The following INTS9 variants were observed in gnomAD, a reference collection of about 807,000 sequenced individuals.
The protein encoded by INTS9 is integrator complex subunit 9, also known as protein related to CPSF subunits of 74 kDa.
INTS9 carries 55 observed loss-of-function variants against 79.7 expected under a neutral mutation model. The ratio of observed to expected loss-of-function variants is 0.69; its 90% CI spans 0.56 to 0.86. INTS9 has a LOEUF of 0.86. INTS9 is among the 40% of genes least tolerant of loss of function. The pLI is 0.00. For missense variants in INTS9, 721 were observed against 831.5 expected (o/e 0.87, Z 1.64); for synonymous variants, 319 against 325.2 (o/e 0.98, Z 0.20).
At chr8:28,841,220 T>C (rs2131209045) in intron 4 of INTS9, among the ~76,000 whole-genome samples, 1 of 152,324 alleles carries the variant, frequency 6.6e-6, no homozygotes, top group East Asian at 1.9e-4. Context: ...AGTTGTGCAC[T>C]GCCTTTGCAA....
intron 10 of INTS9, 28 bp downstream of exon 10, chr8:28,793,779 C>CAA (rs67407592): frequency 0.029 from 34,219 of 1,161,244 alleles, 16 homozygotes; most frequent in East Asian, 0.1. Context: ...ATAAAATTCA[C>CAA]AAAAAAAAAA....
chr8:28,836,049 A>G (rs1274725641), intron 5 of INTS9, among the ~76,000 whole-genome samples: 1 of 152,128 alleles, frequency 6.6e-6, no homozygotes, highest in Admixed American at 6.5e-5. Flanking sequence ...ACCTCAGGTG[A>G]TCCACCCGCC....
chr8:28,862,874 T>C (rs1240162632), intron 1 of INTS9, among the ~76,000 whole-genome samples: 1 of 152,178 alleles, frequency 6.6e-6, no homozygotes, highest in Non-Finnish European at 1.5e-5. Flanking sequence ...AGTAGGGAGT[T>C]TGAAGTTAAG....
At chr8:28,797,579 TCA>T (rs1172739163) in intron 8 of INTS9, among the ~76,000 whole-genome samples, 3 of 152,208 alleles carry the variant, frequency 2.0e-5, no homozygotes, top group Non-Finnish European at 4.4e-5. Flanking sequence ...TTATTTTTAC[TCA>T]CCACAGCTTG....
chr8:28,869,407 T>C (rs1035173091), intron 1 of INTS9, among the ~76,000 whole-genome samples: 3 of 152,102 alleles, frequency 2.0e-5, no homozygotes, highest in African/African-American at 7.2e-5. Context: ...TTTTCTCTTC[T>C]CCAACACATC....
At chr8:28,869,385 G>A (rs1023443488) in intron 1 of INTS9, among the ~76,000 whole-genome samples, 1 of 152,120 alleles carries the variant, frequency 6.6e-6, no homozygotes, top group Non-Finnish European at 1.5e-5. Context: ...TGTTCTTCCA[G>A]AGCTTGTAAA....
At chr8:28,794,339 T>C (rs1804078467) in intron 9 of INTS9, among the ~76,000 whole-genome samples, 1 of 152,226 alleles carries the variant, frequency 6.6e-6, no homozygotes. Flanking sequence ...TCTCTGACCA[T>C]GGCTGAATGA....
At chr8:28,884,662 A>G (rs539591349) in intron 1 of INTS9, among the ~76,000 whole-genome samples, 1 of 152,336 alleles carries the variant, frequency 6.6e-6, no homozygotes, top group Non-Finnish European at 1.5e-5. Flanking sequence ...TCATGAAGGA[A>G]AAAACCTATT....
intron 6 of INTS9, among the ~76,000 whole-genome samples, chr8:28,820,792 A>T (rs1343438705): frequency 2.0e-5 from 3 of 152,206 alleles, no homozygotes; most frequent in Non-Finnish European, 2.9e-5. Context: ...ATCAGTATGC[A>T]TGGGCCAGTA....
intron 6 of INTS9, among the ~76,000 whole-genome samples, chr8:28,816,311 A>AC (rs1246643029): frequency 1.4e-5 from 1 of 69,980 alleles, no homozygotes; most frequent in Admixed American, 2.2e-4. Context: ...CCCTCCCCCC[A>AC]CCCACAACAG....
intron 1 of INTS9, chr8:28,862,414 TA>T (rs1269460098): frequency 5.7e-6 from 1 of 175,598 alleles, no homozygotes; most frequent in Non-Finnish European, 1.1e-5. Flanking sequence ...TTGGCCTAAG[TA>T]AATATACCAT....
intron 15 of INTS9, among the ~76,000 whole-genome samples, chr8:28,770,494 CG>C (rs1177247731): frequency 6.6e-6 from 1 of 152,192 alleles, no homozygotes; most frequent in African/African-American, 2.4e-5. Context: ...TAAGACAAGG[CG>C]GGTCAAGGAC....
At chr8:28,873,659 T>A (rs1277946550) in intron 1 of INTS9, among the ~76,000 whole-genome samples, 1 of 152,216 alleles carries the variant, frequency 6.6e-6, no homozygotes, top group Non-Finnish European at 1.5e-5. Context: ...AGGTAAAAAT[T>A]CATCAAGCTG....
intron 1 of INTS9, among the ~76,000 whole-genome samples, chr8:28,860,199 G>A (rs1464307804): frequency 6.6e-6 from 1 of 152,126 alleles, no homozygotes; most frequent in African/African-American, 2.4e-5. Flanking sequence ...AGTCAAAGGG[G>A]CACAAGCCAC....
chr8:28,821,514 G>A (rs575529594), intron 6 of INTS9, among the ~76,000 whole-genome samples: 2 of 152,230 alleles, frequency 1.3e-5, no homozygotes, highest in South Asian at 2.1e-4. Context: ...TGGGGACGCA[G>A]GCAAACCATA....
chr8:28,770,009 G>C lies in INTS9; in HGVS notation c.1680C>G (p.Ala560=), dbSNP rs780613920. ...KHLLQPPPRP[A]QPTSGKKRKR... ...TTCTCTTCTTCCCGCTCGTGGGCTG[G>C]GCGGGCCGAGGAGGGGGCTAGAGCA... The change falls in exon 16 of 17, where the codon GCC becomes GCG. Residue 560 remains alanine, a synonymous_variant. Coordinates refer to ENST00000521022, the MANE Select transcript of INTS9 (RefSeq NM_018250.4). 6 of 1,614,004 alleles carry C rather than the reference G, an allele frequency of 3.7e-6. No homozygotes were observed. In the Admixed American group the frequency reaches 1.0e-4, roughly 27 times the overall value.
chr8:28,862,956 C>T (rs1421758740), intron 1 of INTS9, among the ~76,000 whole-genome samples: 3 of 152,160 alleles, frequency 2.0e-5, no homozygotes, highest in East Asian at 3.8e-4. Context: ...TAACTTTGGA[C>T]TGTTAAGGTG....
rs370154561 is a variant in INTS9 at position 28,821,052 on chromosome 8, G to A, written c.489-7440C>T. On this transcript the variant is annotated intron_variant, in intron 6 of 16. Transcript: ENST00000521022. Reference sequence around the variant, plus strand: ...TTCCACTTCCCATTGCAGAAACCAGGGTTTCTTGGAGAAATGGGCAATTTA... The same window carrying A: ...TTCCACTTCCCATTGCAGAAACCAGAGTTTCTTGGAGAAATGGGCAATTTA... Among the ~76,000 whole-genome samples, 10 of 152,178 alleles carry A rather than the reference G, an allele frequency of 6.6e-5. No individual in the cohort carries two copies. In the East Asian group the frequency reaches 9.7e-4, roughly 15 times the overall value.
At chr8:28,815,116 A>AT (rs1805393048) in intron 6 of INTS9, among the ~76,000 whole-genome samples, 1 of 152,208 alleles carries the variant, frequency 6.6e-6, no homozygotes. Flanking sequence ...CAGGTAGAAG[A>AT]AAACTTTAAG....
Sources: gnomAD v4.1 joint callset for allele counts (sites outside exome capture counted in the v4.1 genomes callset) on GRCh38, gnomAD v4.1.1 for gene constraint, MANE v1.5 for transcripts, NCBI Gene and HGNC (gene_info 2026-07-23, HGNC 2026-07-21) for gene names.